The following IST1 variants were observed in gnomAD, a reference collection of about 807,000 sequenced individuals.
The protein encoded by IST1 is IST1 factor associated with ESCRT-III.
In IST1, 23 loss-of-function variants were observed where a neutral mutation model predicts 37.0. That is an observed-to-expected ratio of 0.62 (90% CI 0.45 to 0.88). The LOEUF (loss-of-function observed/expected upper bound fraction) is 0.88. IST1 is among the 40% of genes least tolerant of loss of function. IST1 has a pLI of 0.00. For missense variants in IST1, 488 were observed against 445.4 expected (o/e 1.10, Z -0.86); for synonymous variants, 180 against 161.7 (o/e 1.11, Z -0.86).
upstream of IST1, chr16:71,894,926 T>C: frequency 9.0e-7 from 1 of 1,110,676 alleles, no homozygotes; most frequent in Non-Finnish European, 1.3e-6. Flanking sequence ...ACTGTGGTGC[T>C]GAGGAAACAC....
intron 6 of IST1, 161 bp downstream of exon 6, chr16:71,921,614 G>A: frequency 1.8e-6 from 1 of 565,652 alleles, no homozygotes; most frequent in Non-Finnish European, 3.2e-6. Flanking sequence ...ATCTCACAGG[G>A]TACTTAAGGA....
At chr16:71,900,669 GTA>G (rs1491504896) in intron 1 of IST1, among the ~76,000 whole-genome samples, 1 of 53,040 alleles carries the variant, frequency 1.9e-5, no homozygotes, top group Non-Finnish European at 3.3e-5. Context: ...ATAAAGATAA[GTA>G]TATATGTATA....
At chr16:71,921,628 A>G (rs1183953338) in intron 6 of IST1, 175 bp downstream of exon 6, 1 of 548,266 alleles carries the variant, frequency 1.8e-6, no homozygotes, top group African/African-American at 1.9e-5. Flanking sequence ...TTAAGGAATT[A>G]GATGAATGAC....
intron 1 of IST1, among the ~76,000 whole-genome samples, chr16:71,897,872 C>G (rs2142517148): frequency 6.6e-6 from 1 of 152,234 alleles, no homozygotes; most frequent in South Asian, 2.1e-4. Flanking sequence ...TTGCTCGAAC[C>G]CGAGAGGCGG....
In IST1 at chr16:71,921,363, G is replaced by A; in HGVS notation, c.462G>A (p.Val154=). The A allele has an allele frequency of 1.9e-6, 3 of 1,612,280 alleles. No homozygotes were observed. The highest frequency in any genetic ancestry group is 1.1e-5 in the South Asian group (1 of 91,016). Residue 154 remains valine, a synonymous_variant, in exon 6 of 10, where the codon GTG becomes GTA. Coordinates refer to ENST00000378799, the MANE Select transcript of IST1 (RefSeq NM_001270975.2). ...TACAGCTAATGCACAAGCTGAGTGT[G>A]GAAGCCCCACCCAAAATCCTGGTGG... ...VNDRLMHKLS[V]EAPPKILVER...
At position 71,929,886 on chromosome 16, in the gene IST1, T is replaced by C. The variant is rs932322303; in HGVS notation, c.*2073T>C. 1 of 1,037,986 alleles carries C rather than the reference T, an allele frequency of 9.6e-7. No homozygotes were observed. The highest frequency in any genetic ancestry group is 1.4e-6 in the Non-Finnish European group (1 of 734,588). The allele number at this position is 1,037,986 out of a possible 1,614,324, so 64.3% of individuals were successfully genotyped here. ...ATGGCTATAGAATATTATGTAGTCT[T>C]ATAAATTGGGTTTCCTAGGAAGATA... On this transcript the variant is annotated 3_prime_UTR_variant, in exon 10 of 10. Coordinates refer to ENST00000378799, the MANE Select transcript of IST1 (RefSeq NM_001270975.2).
intron 8 of IST1, chr16:71,924,493 A>G: frequency 1.8e-6 from 1 of 541,948 alleles, no homozygotes; most frequent in East Asian, 3.2e-5. Context: ...CAGGAGGCTG[A>G]GGCGGGGCAA....
In IST1 at chr16:71,905,436, T is replaced by C. The variant is rs184482760; in HGVS notation, c.-16+9847T>C. ...TCTCGTTGCCCAGGCTGGAGTGCGA[T>C]GGCACCATGTCAGCTCACTGCAACC... is the stretch of plus-strand genomic sequence containing the variant. On this transcript the variant is annotated intron_variant, in intron 1 of 9. Transcript: ENST00000378799. Among the ~76,000 whole-genome samples, 207 of 151,904 alleles carry C rather than the reference T, an allele frequency of 1.4e-3. 2 individuals are homozygous for C. Among genetic ancestry groups the C allele is most frequent in the Middle Eastern group, 6.8e-3 (2 of 294 alleles).
chr16:71,916,419 AGT>A (rs1567468866), intron 2 of IST1, 41 bp from the exon 3 acceptor site: 1 of 1,596,132 alleles, frequency 6.3e-7, no homozygotes, highest in Non-Finnish European at 8.6e-7. Flanking sequence ...GCCAGATGCA[AGT>A]GCTCTACTGC....
intron 9 of IST1, among the ~76,000 whole-genome samples, chr16:71,925,435 C>G (rs901430425): frequency 1.3e-5 from 2 of 151,518 alleles, no homozygotes; most frequent in African/African-American, 4.9e-5. Flanking sequence ...TCCTGCCTCA[C>G]CTCTTGAGTA....
At position 71,899,310 on chromosome 16, in the gene IST1, G is replaced by A. The variant is rs539217039; in HGVS notation, c.-16+3721G>A. ...AAGGAATTGGACCACCAGGTGTGGC[G>A]GCTCATGCCTGTAATCCCAGCACTT... is the stretch of plus-strand genomic sequence containing the variant. On this transcript the variant is annotated intron_variant, in intron 1 of 9. Transcript: ENST00000378799. Among the ~76,000 whole-genome samples the A allele has an allele frequency of 1.1e-3, 166 of 152,240 alleles. 1 individual carries two copies. Among genetic ancestry groups the A allele is most frequent in the African/African-American group, 3.9e-3 (161 of 41,548 alleles).
intron 1 of IST1, among the ~76,000 whole-genome samples, chr16:71,910,179 T>C (rs1032258264): frequency 1.3e-5 from 2 of 152,226 alleles, no homozygotes; most frequent in African/African-American, 4.8e-5. Flanking sequence ...TGTGTCATTC[T>C]GAGTAGTTTG....
At chr16:71,896,575 C>T (rs915844058) in intron 1 of IST1, among the ~76,000 whole-genome samples, 18 of 151,934 alleles carry the variant, frequency 1.2e-4, no homozygotes, top group Non-Finnish European at 2.5e-4. Flanking sequence ...ATATATTTCC[C>T]TCTCCTTTCC....
In IST1 at chr16:71,895,547, C is replaced by G. The variant is rs770378482; in HGVS notation, c.-58C>G. 1 of 985,542 alleles carries G rather than the reference C, an allele frequency of 1.0e-6. No individual in the cohort carries two copies. Among genetic ancestry groups the G allele is most frequent in the African/African-American group, 1.7e-5 (1 of 57,232 alleles). 61.0% of individuals were successfully genotyped at this position (985,542 alleles called of 1,614,324 possible). A position where few individuals can be genotyped will look rare whatever the true frequency, so the allele number is the denominator to read the frequency against. Reference sequence around the variant, plus strand: ...GGAGTCGCCATTTTGGATGGTGAACCCTGAAGTCGGTGTCTGCTGCGTTCA... The same window carrying G: ...GGAGTCGCCATTTTGGATGGTGAACGCTGAAGTCGGTGTCTGCTGCGTTCA... On this transcript the variant is annotated 5_prime_UTR_variant, in exon 1 of 10. Coordinates refer to ENST00000378799, the MANE Select transcript of IST1 (RefSeq NM_001270975.2).
At chr16:71,916,984 C>G in intron 3 of IST1, 63 bp from the exon 4 acceptor site, 1 of 1,109,050 alleles carries the variant, frequency 9.0e-7, no homozygotes, top group South Asian at 1.4e-5. Context: ...GTATATGAAA[C>G]AAAAGCTAGG....
intron 2 of IST1, 92 bp from the exon 3 acceptor site, chr16:71,916,370 A>T (rs2037466075): frequency 8.1e-7 from 1 of 1,239,042 alleles, no homozygotes; most frequent in Middle Eastern, 2.8e-4. Context: ...TATAGTAGAA[A>T]CACCCAGTTC....
chr16:71,928,290 C>T lies in IST1; in HGVS notation c.*477C>T, dbSNP rs978397753. 2 of 167,230 alleles carry T rather than the reference C, an allele frequency of 1.2e-5. No homozygotes were observed. Among genetic ancestry groups the T allele is most frequent in the African/African-American group, 2.4e-5 (1 of 41,580 alleles). 10.4% of individuals were successfully genotyped at this position (167,230 alleles called of 1,614,324 possible). On this transcript the variant is annotated 3_prime_UTR_variant, in exon 10 of 10. Transcript: ENST00000378799. ...AGGCCACCTTGTGTGTTTTCTCACTCTCGAATGCAAGTGGGAGAGGGAAAA... is the reference window on the plus strand; with the variant it reads ...AGGCCACCTTGTGTGTTTTCTCACTTTCGAATGCAAGTGGGAGAGGGAAAA...
chr16:71,902,666 C>A (rs559318884), intron 1 of IST1, among the ~76,000 whole-genome samples: 4 of 152,246 alleles, frequency 2.6e-5, no homozygotes, highest in South Asian at 4.1e-4. Flanking sequence ...TTGTTTATTT[C>A]ATTTAATTGT....
upstream of IST1, chr16:71,894,529 A>T: frequency 3.8e-6 from 1 of 264,646 alleles, no homozygotes; most frequent in Non-Finnish European, 7.3e-6. Context: ...TACAGGCGTG[A>T]GCCACCGCAC....
Sources: allele counts gnomAD v4.1 joint callset (sites outside exome capture counted in the v4.1 genomes callset), GRCh38; gene constraint gnomAD v4.1.1; transcripts MANE v1.5; gene names NCBI Gene and HGNC (gene_info 2026-07-23, HGNC 2026-07-21).